Variants in AR observed in about 807,000 individuals in gnomAD.
The protein encoded by AR is androgen receptor.
Under a neutral mutation model 53.9 loss-of-function variants are expected in AR, and 8 were observed. That is an observed-to-expected ratio of 0.15 (90% CI 0.09 to 0.27). The LOEUF is 0.27. Among genes scored for constraint, AR ranks in the 10% least tolerant of loss-of-function variants. AR has a pLI of 1.00. For missense variants in AR, 639 were observed against 742.5 expected (o/e 0.86, Z 1.62); for synonymous variants, 359 against 316.4 (o/e 1.13, Z -1.43).
chrX:67,649,769 G>A (rs1926244559), intron 2 of AR, among the ~76,000 whole-genome samples: 1 of 111,949 alleles, frequency 8.9e-6, no homozygotes, highest in African/African-American at 3.3e-5. Context: ...GTAGATTCTG[G>A]ATATTAGCCC....
chrX:67,667,421 G>C (rs1055153085), intron 2 of AR, among the ~76,000 whole-genome samples: 1 of 111,283 alleles, frequency 9.0e-6, no homozygotes, highest in Non-Finnish European at 1.9e-5. Context: ...CTATGTGTCT[G>C]CTTTTATGTG....
At chrX:67,634,884 A>G (rs899184235) in intron 1 of AR, among the ~76,000 whole-genome samples, 2 of 111,781 alleles carry the variant, frequency 1.8e-5, no homozygotes, top group African/African-American at 6.5e-5. Flanking sequence ...AAACACAAGG[A>G]AAAATATTAT....
chrX:67,625,951 A>G (rs1924609953), intron 1 of AR, among the ~76,000 whole-genome samples: 1 of 111,225 alleles, frequency 9.0e-6, no homozygotes, highest in South Asian at 3.8e-4. Flanking sequence ...TGTGGGTACA[A>G]AGTAGGTGTG....
At position 67,606,470 on chromosome X, in the gene AR, T is replaced by C. The variant is rs1923627567; in HGVS notation, c.1617-36786T>C. Among the ~76,000 whole-genome samples the C allele has an allele frequency of 3.6e-5, 4 of 112,147 alleles. No homozygotes were observed. In the South Asian group the frequency reaches 1.5e-3, roughly 41 times the overall value. On this transcript the variant is annotated intron_variant, in intron 1 of 7. Coordinates refer to ENST00000374690, the MANE Select transcript of AR (RefSeq NM_000044.6). ...TTTTTTGGTTAGAACATTTAAAATT[T>C]ATTCTCTTAACAACTTTGAAATAGA...
intron 1 of AR, among the ~76,000 whole-genome samples, chrX:67,608,767 A>G (rs1211020020): frequency 8.9e-6 from 1 of 111,989 alleles, no homozygotes; most frequent in Non-Finnish European, 1.9e-5. Context: ...TATTTTCTAT[A>G]TTTGTCCATG....
intron 3 of AR, among the ~76,000 whole-genome samples, chrX:67,709,883 A>T (rs1228067353): frequency 8.9e-6 from 1 of 112,107 alleles, no homozygotes; most frequent in Non-Finnish European, 1.9e-5. Context: ...AGAATTTGAT[A>T]GTCTGAGGAT....
rs755493207 is a variant in AR, at chrX:67,549,061, A to G, written c.1616+2299A>G. Among the ~76,000 whole-genome samples, 3 of 112,518 alleles carry G rather than the reference A, an allele frequency of 2.7e-5. No homozygotes were observed. In the Admixed American group the frequency reaches 2.8e-4, roughly 11 times the overall value. ...TAATCAGAATGCAATCAATTCCAATACAAAAGTTAGTATTTTCTTTCTTTT... is the reference window on the plus strand; with the variant it reads ...TAATCAGAATGCAATCAATTCCAATGCAAAAGTTAGTATTTTCTTTCTTTT... On this transcript the variant is annotated intron_variant, in intron 1 of 7. Transcript: ENST00000374690.
In AR at chrX:67,643,740, A is replaced by G. The variant is rs750634816; in HGVS notation, c.1768+333A>G. Among the ~76,000 whole-genome samples the G allele has an allele frequency of 8.9e-5, 10 of 112,041 alleles. No individual in the cohort carries two copies. In the East Asian group the frequency reaches 2.8e-3, roughly 32 times the overall value. The stretch of plus-strand genomic sequence containing the variant: ...TTCTACTCTGCTGGCTAGTAAAGGA[A>G]AAATTTGTCCTTATTAGAGAGGTTA... On this transcript the variant is annotated intron_variant, in intron 2 of 7. Coordinates refer to ENST00000374690, the MANE Select transcript of AR (RefSeq NM_000044.6).
intron 1 of AR, among the ~76,000 whole-genome samples, chrX:67,579,694 C>T (rs1922203778): frequency 8.9e-6 from 1 of 111,886 alleles, no homozygotes; most frequent in Non-Finnish European, 1.9e-5. Context: ...TTATGAGCTT[C>T]AGGTTTCTAT....
intron 1 of AR, among the ~76,000 whole-genome samples, chrX:67,590,489 GATA>G (rs1922779187): frequency 8.9e-6 from 1 of 111,896 alleles, no homozygotes; most frequent in Admixed American, 9.5e-5. Flanking sequence ...CACAGATATT[GATA>G]ATAATGATAT....
At chrX:67,567,251 T>A (rs1450557861) in intron 1 of AR, among the ~76,000 whole-genome samples, 6 of 111,481 alleles carry the variant, frequency 5.4e-5, no homozygotes, top group Non-Finnish European at 1.1e-4. Context: ...AGTGCCTTAT[T>A]TAACTGTAAT....
At chrX:67,677,290 A>G (rs934937005) in intron 2 of AR, among the ~76,000 whole-genome samples, 2 of 112,115 alleles carry the variant, frequency 1.8e-5, no homozygotes, top group African/African-American at 6.5e-5. Context: ...TTTAAGAAGC[A>G]TGTTACAGAA....
At chrX:67,628,305 T>G (rs1311733915) in intron 1 of AR, among the ~76,000 whole-genome samples, 11 of 99,349 alleles carry the variant, frequency 1.1e-4, no homozygotes, top group Admixed American at 7.1e-4. Context: ...TATCCTCTTT[T>G]ATTTCCTTGA....
In AR at chrX:67,712,306, C is replaced by A. The variant is rs147091815; in HGVS notation, c.2173+617C>A. On this transcript the variant is annotated intron_variant, in intron 4 of 7. Coordinates refer to ENST00000374690, the MANE Select transcript of AR (RefSeq NM_000044.6). The stretch of plus-strand genomic sequence containing the variant: ...GGTTTCCAGTTTTTGAAAAAAGGAA[C>A]GCTTTTTGCACCTTAAACTACCTAA... Among the ~76,000 whole-genome samples, 367 of 111,853 alleles carry A rather than the reference C, an allele frequency of 3.3e-3. 1 individual carries two copies. The highest frequency in any genetic ancestry group is 0.012 in the African/African-American group (356 of 30,760).
intron 2 of AR, among the ~76,000 whole-genome samples, chrX:67,668,838 T>C (rs1252776720): frequency 9.0e-6 from 1 of 111,523 alleles, no homozygotes; most frequent in Non-Finnish European, 1.9e-5. Flanking sequence ...TTCCAATGTA[T>C]TGTCATCCAG....
intron 3 of AR, among the ~76,000 whole-genome samples, chrX:67,710,083 C>T (rs767943247): frequency 1.9e-4 from 20 of 106,494 alleles, no homozygotes; most frequent in South Asian, 4.1e-4. Context: ...TGTGAGTGTG[C>T]GTGTGTGTGT....
intron 4 of AR, among the ~76,000 whole-genome samples, chrX:67,715,903 C>T (rs942602428): frequency 1.6e-4 from 18 of 111,563 alleles, no homozygotes; most frequent in African/African-American, 5.2e-4. Context: ...TTGGTAGGGA[C>T]GAGCTCTGAG....
At chrX:67,684,868 T>A (rs2075956982) in intron 2 of AR, among the ~76,000 whole-genome samples, 1 of 111,351 alleles carries the variant, frequency 9.0e-6, no homozygotes, top group African/African-American at 3.3e-5. Flanking sequence ...ATGTTTTTAG[T>A]TGTTTTTTTT....
intron 2 of AR, among the ~76,000 whole-genome samples, chrX:67,665,744 C>T (rs1035042496): frequency 1.8e-5 from 2 of 111,692 alleles, no homozygotes; most frequent in Admixed American, 1.9e-4. Flanking sequence ...TGACCTGACC[C>T]ATTTTTGGAA....
Sources: allele counts gnomAD v4.1 joint callset (sites outside exome capture counted in the v4.1 genomes callset), GRCh38; gene constraint gnomAD v4.1.1; transcripts MANE v1.5; gene names NCBI Gene and HGNC (gene_info 2026-07-23, HGNC 2026-07-21).